Variants in CAPS2 observed in about 807,000 individuals in gnomAD.
CAPS2 encodes calcyphosine 2.
In CAPS2, 98 loss-of-function variants were observed where a neutral mutation model predicts 86.5. That is an observed-to-expected ratio of 1.13 (90% CI 0.96 to 1.34). The LOEUF is 1.34. CAPS2 is among the 40% of genes most tolerant of loss of function. CAPS2 has a pLI of 0.00. For missense variants in CAPS2, 729 were observed against 686.8 expected (o/e 1.06, Z -0.69); for synonymous variants, 210 against 225.1 (o/e 0.93, Z 0.60).
chr12:75,379,057 A>G (rs973503283), intron 1 of CAPS2, among the ~76,000 whole-genome samples: 2 of 152,120 alleles, frequency 1.3e-5, no homozygotes, highest in Middle Eastern at 3.2e-3. Context: ...ATGTATTTTA[A>G]TTAAACATTT....
chr12:75,372,175 C>G (rs1440570507), intron 1 of CAPS2, among the ~76,000 whole-genome samples: 1 of 152,090 alleles, frequency 6.6e-6, no homozygotes, highest in Non-Finnish European at 1.5e-5. Flanking sequence ...TCACTGCACC[C>G]AGCTAATTTT....
chr12:75,384,110 GA>G (rs922497723), intron 1 of CAPS2, among the ~76,000 whole-genome samples: 7 of 150,714 alleles, frequency 4.6e-5, no homozygotes, highest in African/African-American at 9.7e-5. Flanking sequence ...TTAGAAACTA[GA>G]AAAAAAAGAG....
At chr12:75,369,818 A>G in intron 1 of CAPS2, 1 of 1,310,572 alleles carries the variant, frequency 7.6e-7, no homozygotes, top group South Asian at 2.1e-5. Flanking sequence ...TGTAGGATTG[A>G]GTAGGAAAGT....
chr12:75,290,935 C>CA (rs113991969), intron 13 of CAPS2, among the ~76,000 whole-genome samples: 26 of 36,896 alleles, frequency 7.0e-4, no homozygotes, highest in South Asian at 3.0e-3. Context: ...AAAAAAAAAA[C>CA]AAAAAAAAAA....
At chr12:75,315,166 G>A (rs954816767) in intron 6 of CAPS2, among the ~76,000 whole-genome samples, 2 of 152,094 alleles carry the variant, frequency 1.3e-5, no homozygotes, top group Non-Finnish European at 2.9e-5. Flanking sequence ...TAGATACATT[G>A]CTCCTAATAA....
chr12:75,323,697 T>G (rs1156348395), intron 2 of CAPS2, among the ~76,000 whole-genome samples: 1 of 152,182 alleles, frequency 6.6e-6, no homozygotes, highest in Non-Finnish European at 1.5e-5. Context: ...GAGCCGAGAT[T>G]GCGCCATTGC....
chr12:75,315,742 G>T (rs1249263827), intron 6 of CAPS2, among the ~76,000 whole-genome samples: 1 of 151,922 alleles, frequency 6.6e-6, no homozygotes, highest in Admixed American at 6.6e-5. Flanking sequence ...GGGTTTCTGG[G>T]GTGGTCAGTG....
At chr12:75,296,650 T>TAAA (rs929644217) in intron 11 of CAPS2, among the ~76,000 whole-genome samples, 1 of 152,114 alleles carries the variant, frequency 6.6e-6, no homozygotes, top group African/African-American at 2.4e-5. Flanking sequence ...TGTATTATCT[T>TAAA]AAAAACTGGC....
intron 1 of CAPS2, among the ~76,000 whole-genome samples, chr12:75,340,139 A>T (rs1202984922): frequency 6.7e-6 from 1 of 149,696 alleles, no homozygotes; most frequent in Non-Finnish European, 1.5e-5. Context: ...ATACACACAT[A>T]TATATAAAAT....
intron 1 of CAPS2, chr12:75,367,077 C>T (rs924101607): frequency 3.9e-5 from 27 of 696,976 alleles, no homozygotes; most frequent in Non-Finnish European, 6.0e-5. Flanking sequence ...CACAGACAAG[C>T]CAACTGAGAT....
intron 11 of CAPS2, among the ~76,000 whole-genome samples, chr12:75,295,851 T>C (rs2036786997): frequency 6.6e-6 from 1 of 152,156 alleles, no homozygotes; most frequent in Non-Finnish European, 1.5e-5. Flanking sequence ...CATAATAGAA[T>C]AACACCCAGA....
At chr12:75,279,925 T>A (rs1302489846) in intron 16 of CAPS2, among the ~76,000 whole-genome samples, 2 of 151,966 alleles carry the variant, frequency 1.3e-5, no homozygotes, top group Non-Finnish European at 2.9e-5. Context: ...AACACAGTTT[T>A]TTTTCTGAGG....
chr12:75,389,207 G>A (rs1053924066), intron 1 of CAPS2, among the ~76,000 whole-genome samples: 1 of 152,150 alleles, frequency 6.6e-6, no homozygotes, highest in Non-Finnish European at 1.5e-5. Context: ...ATTAAAAATA[G>A]TATTCACCAC....
chr12:75,277,699 T>C (rs563943766), exon 17 of CAPS2: 122 of 902,750 alleles, frequency 1.4e-4, no homozygotes, highest in Middle Eastern at 5.6e-4. Context: ...TATAGATGGA[T>C]ACAGTGATAT....
At chr12:75,363,992 A>C (rs966697100) in intron 1 of CAPS2, among the ~76,000 whole-genome samples, 1 of 152,186 alleles carries the variant, frequency 6.6e-6, no homozygotes, top group Non-Finnish European at 1.5e-5. Context: ...TAATTGTCTA[A>C]AGGCTTACGA....
At chr12:75,310,683 T>A (rs933687845) in intron 7 of CAPS2, among the ~76,000 whole-genome samples, 4 of 152,130 alleles carry the variant, frequency 2.6e-5, no homozygotes, top group African/African-American at 9.7e-5. Flanking sequence ...CTTGCTTTGG[T>A]CAGTTACACA....
intron 1 of CAPS2, among the ~76,000 whole-genome samples, chr12:75,382,656 A>C (rs1367077315): frequency 1.3e-5 from 2 of 152,044 alleles, no homozygotes; most frequent in Non-Finnish European, 2.9e-5. Flanking sequence ...AAAAAGAAGA[A>C]GAATTTTAAA....
At chr12:75,347,602 G>C in intron 1 of CAPS2, 1 of 1,505,686 alleles carries the variant, frequency 6.6e-7, no homozygotes, top group African/African-American at 1.4e-5. Context: ...ATTTTATCTT[G>C]ACATTCCTTT....
intron 8 of CAPS2, among the ~76,000 whole-genome samples, chr12:75,303,220 A>C (rs1239986465): frequency 6.6e-6 from 1 of 152,216 alleles, no homozygotes; most frequent in Non-Finnish European, 1.5e-5. Flanking sequence ...AAAACTCACA[A>C]ACCTAATGTT....
Sources: gnomAD v4.1 joint callset for allele counts (sites outside exome capture counted in the v4.1 genomes callset) on GRCh38, gnomAD v4.1.1 for gene constraint, MANE v1.5 for transcripts, NCBI Gene and HGNC (gene_info 2026-07-23, HGNC 2026-07-21) for gene names.